The following FAM135B variants were observed in gnomAD, a reference collection of about 807,000 sequenced individuals.
FAM135B encodes the protein protein FAM135B.
Under a neutral mutation model 127.7 loss-of-function variants are expected in FAM135B, and 43 were observed. The observed-to-expected ratio is 0.34, with a 90% CI of 0.26 to 0.43. The LOEUF (loss-of-function observed/expected upper bound fraction) is 0.43, where lower values mean the gene tolerates loss of function less well. Ranked by LOEUF, FAM135B falls within the 20% of genes least tolerant of loss-of-function variation. The pLI is 1.00. For missense variants in FAM135B, 1,558 were observed against 1,725.6 expected, an observed-to-expected ratio of 0.90 and a Z score of 1.72; for synonymous variants, 670 against 665.1, an observed-to-expected ratio of 1.01 and a Z score of -0.11.
At position 138,265,731 on chromosome 8, in the gene FAM135B, C is replaced by T. The variant is rs774962341; in HGVS notation, c.269G>A (p.Arg90Gln). 9.9e-6 allele frequency: 16 copies of T among 1,613,888 alleles called. No homozygotes were observed. The highest frequency in any genetic ancestry group is 6.7e-5 in the African/African-American group (5 of 74,896). ...TTCACCACCCAAGAGTAAATGAACT[C>T]GGAAGACCACAGCATCATTTATGGG... ...EVPINDAVVF[R>Q]VHLLLGGERM... Residue 90 changes from arginine (R) to glutamine (Q), a missense_variant, in exon 4 of 20, where the codon CGA becomes CAA. Physicochemically the swap from Arg to Gln is conservative, Grantham distance 43 (BLOSUM62 1). Around this residue, in one of 5 missense-constraint regions of FAM135B, gnomAD observed 199 missense variants for 245.7 expected, o/e 0.81. Transcript: ENST00000395297.
chr8:138,316,303 G>A (rs1039692241), intron 2 of FAM135B, among the ~76,000 whole-genome samples: 2 of 152,022 alleles, frequency 1.3e-5, no homozygotes, highest in Admixed American at 6.5e-5. Flanking sequence ...TCAGGAGATC[G>A]AGACCATGGT....
intron 7 of FAM135B, among the ~76,000 whole-genome samples, chr8:138,210,426 G>C (rs1364621804): frequency 6.6e-6 from 1 of 152,106 alleles, no homozygotes; most frequent in East Asian, 1.9e-4. Flanking sequence ...CCCTGAGACT[G>C]GGTAATTTAT....
At chr8:138,260,536 C>T (rs940746609) in intron 4 of FAM135B, among the ~76,000 whole-genome samples, 4 of 152,186 alleles carry the variant, frequency 2.6e-5, no homozygotes, top group African/African-American at 4.8e-5. Flanking sequence ...CTTCTCCCAA[C>T]TACCCTGGAG....
At chr8:138,474,125 A>G (rs1336119367) in intron 1 of FAM135B, among the ~76,000 whole-genome samples, 2 of 152,226 alleles carry the variant, frequency 1.3e-5, no homozygotes, top group Non-Finnish European at 2.9e-5. Flanking sequence ...GAAAACAATT[A>G]TAGCCCTAGT....
At chr8:138,335,899 A>C (rs1828542501) in intron 2 of FAM135B, among the ~76,000 whole-genome samples, 1 of 152,236 alleles carries the variant, frequency 6.6e-6, no homozygotes, top group Non-Finnish European at 1.5e-5. Context: ...AAATTATCAC[A>C]AACTGTCTCT....
At position 138,152,072 on chromosome 8, in the gene FAM135B, C is replaced by T. The variant is rs1325906714; in HGVS notation, c.2403G>A (p.Met801Ile). 1 of 1,613,850 alleles carries T rather than the reference C, an allele frequency of 6.2e-7. No individual in the cohort carries two copies. Among genetic ancestry groups the T allele is most frequent in the African/African-American group, 1.3e-5 (1 of 74,916 alleles). The part of the protein sequence containing the change: ...QDGGFAEPSD[M>I]HSKSQGSPGS... Reference sequence around the variant, plus strand: ...CTGGGGAACCTTGGCTCTTGCTGTGCATATCTGAAGGTTCAGCAAAACCTC... The same window carrying T: ...CTGGGGAACCTTGGCTCTTGCTGTGTATATCTGAAGGTTCAGCAAAACCTC... The change falls in exon 13 of 20, where the codon ATG (methionine) becomes ATA (isoleucine). Residue 801 changes from methionine (M) to isoleucine (I), a missense_variant. Physicochemically the swap from Met to Ile is conservative, Grantham distance 10. Coordinates refer to ENST00000395297, the MANE Select transcript of FAM135B (RefSeq NM_015912.4).
Position 138,411,122 on chromosome 8 carries a change from A to T in FAM135B, c.-19-43120T>A, listed in dbSNP as rs549422758. Among the ~76,000 whole-genome samples, 464 of 147,914 alleles carry T rather than the reference A, an allele frequency of 3.1e-3. 4 individuals carry two copies. Among genetic ancestry groups the T allele is most frequent in the African/African-American group, 0.011 (428 of 39,114 alleles). On this transcript the variant is annotated intron_variant, in intron 1 of 19. Coordinates refer to ENST00000395297, the MANE Select transcript of FAM135B (RefSeq NM_015912.4). ...TCAAGCTACCAATGACTTTCTTCAC[A>T]GAATTGGAAAAAACTACTTTAAAGT... is the stretch of plus-strand genomic sequence containing the variant.
chr8:138,144,534 G>A (rs1412152378), intron 15 of FAM135B, among the ~76,000 whole-genome samples: 3 of 152,088 alleles, frequency 2.0e-5, no homozygotes, highest in African/African-American at 4.8e-5. Context: ...TTAAACAAGT[G>A]GCTATAATTA....
intron 2 of FAM135B, among the ~76,000 whole-genome samples, chr8:138,311,447 C>T (rs1826675967): frequency 1.3e-5 from 2 of 152,174 alleles, no homozygotes; most frequent in African/African-American, 4.8e-5. Context: ...TTTCAAATTC[C>T]ACCATTTCAG....
chr8:138,451,998 G>C (rs1433403958), intron 1 of FAM135B, among the ~76,000 whole-genome samples: 1 of 151,716 alleles, frequency 6.6e-6, no homozygotes, highest in Non-Finnish European at 1.5e-5. Flanking sequence ...TTATAATTAA[G>C]TTGCATTTAA....
chr8:138,441,027 C>G (rs1398972038), intron 1 of FAM135B: 3 of 152,368 alleles, frequency 2.0e-5, no homozygotes, highest in African/African-American at 4.8e-5. Flanking sequence ...GACCCCCACA[C>G]ATGTGAGTGA....
intron 9 of FAM135B, among the ~76,000 whole-genome samples, chr8:138,188,715 C>T (rs771522296): frequency 1.8e-4 from 27 of 152,172 alleles, no homozygotes; most frequent in Non-Finnish European, 2.9e-4. Context: ...CACTGTTCCA[C>T]AAGCACAGCC....
intron 14 of FAM135B, among the ~76,000 whole-genome samples, chr8:138,146,348 C>T (rs1005125475): frequency 6.6e-5 from 10 of 152,118 alleles, no homozygotes; most frequent in African/African-American, 2.4e-4. Flanking sequence ...GGAGATACAC[C>T]ACCTCCCCTT....
At chr8:138,489,992 CTACT>C (rs534871895) in intron 1 of FAM135B, among the ~76,000 whole-genome samples, 69 of 152,324 alleles carry the variant, frequency 4.5e-4, no homozygotes, top group African/African-American at 1.6e-3. Context: ...AACTGCTTCT[CTACT>C]TGTTTGTCTT....
In FAM135B at chr8:138,177,716, A is replaced by C. The variant is rs146730552; in HGVS notation, c.1030-296T>G. 4.9e-3 allele frequency among the ~76,000 whole-genome samples: 748 copies of C among 152,338 alleles called. 2 individuals carry two copies. The highest frequency in any genetic ancestry group is 0.014 in the African/African-American group (597 of 41,582). ...TTGAGGTCTTATTTATTCTACTAGA[A>C]TATAAGACCTCTGTGAACAGGGTCC... On this transcript the variant is annotated intron_variant, in intron 10 of 19. Coordinates refer to ENST00000395297, the MANE Select transcript of FAM135B (RefSeq NM_015912.4).
chr8:138,155,238 C>G (rs955518760), intron 12 of FAM135B, among the ~76,000 whole-genome samples: 4 of 152,112 alleles, frequency 2.6e-5, no homozygotes, highest in African/African-American at 9.7e-5. Context: ...TACAGACAAG[C>G]AAATGCTGAG....
intron 7 of FAM135B, among the ~76,000 whole-genome samples, chr8:138,227,177 A>G (rs773478841): frequency 1.3e-5 from 2 of 152,234 alleles, no homozygotes; most frequent in Non-Finnish European, 2.9e-5. Context: ...ATGTCCAGTG[A>G]CCTTTGACAT....
At chr8:138,149,965 C>A (rs540946438) in intron 13 of FAM135B, among the ~76,000 whole-genome samples, 2 of 152,260 alleles carry the variant, frequency 1.3e-5, no homozygotes, top group African/African-American at 4.8e-5. Flanking sequence ...GAATTAATGA[C>A]AAGTACCATA....
intron 2 of FAM135B, among the ~76,000 whole-genome samples, chr8:138,332,812 G>C (rs1828285085): frequency 6.6e-6 from 1 of 152,150 alleles, no homozygotes; most frequent in Non-Finnish European, 1.5e-5. Context: ...AAACGAAACA[G>C]CTGGCGGCGC....
Sources: gnomAD v4.1 joint callset for allele counts (sites outside exome capture counted in the v4.1 genomes callset) on GRCh38, gnomAD v4.1.1 for gene constraint, gnomAD v4.1.1 regional missense constraint, MANE v1.5 for transcripts, NCBI Gene and HGNC (gene_info 2026-07-23, HGNC 2026-07-21) for gene names.